Variants in ATR observed in about 807,000 individuals in gnomAD.
ATR encodes ATR checkpoint kinase, also known as serine/threonine-protein kinase ATR.
ATR carries 142 observed loss-of-function variants against 305.3 expected under a neutral mutation model. The observed-to-expected ratio is 0.47, with a 90% CI of 0.41 to 0.53. The LOEUF is 0.53. Ranked by LOEUF, ATR falls within the 20% of genes least tolerant of loss-of-function variation. The pLI is 0.00. For missense variants in ATR, 2,135 were observed against 3,133.1 expected, an observed-to-expected ratio of 0.68 and a Z score of 7.60; for synonymous variants, 1,050 against 1,068.1, an observed-to-expected ratio of 0.98 and a Z score of 0.33.
Position 142,562,905 on chromosome 3 carries a change from C to A in ATR, c.497G>T (p.Gly166Val). The A allele has an allele frequency of 6.2e-7, 1 of 1,613,644 alleles. No homozygotes were observed. The highest frequency in any genetic ancestry group is 1.1e-5 in the South Asian group (1 of 90,858). ...LVYLHRRNVMGHAVEWPVVMS... is the reference protein window; with the variant it reads ...LVYLHRRNVMVHAVEWPVVMS... ...GACCACTGGCCATTCCACAGCATGA[C>A]CCATCACATTTCTTCTATGGAGGTA... is the stretch of plus-strand genomic sequence containing the variant. Residue 166 changes from glycine to valine, a missense_variant, in exon 4 of 47, where the codon GGT becomes GTT. Transcript: ENST00000350721.
intron 1 of ATR, among the ~76,000 whole-genome samples, chr3:142,569,626 TTTTTTTTTGTGGGA>T (rs923437015): frequency 1.3e-5 from 2 of 149,298 alleles, no homozygotes; most frequent in Non-Finnish European, 3.0e-5. Context: ...CCAACTGTGT[TTTTTTTTTGTGGGA>T]TTTTTTTTGT....
At chr3:142,568,896 C>T (rs1300375812) in intron 1 of ATR, among the ~76,000 whole-genome samples, 1 of 152,240 alleles carries the variant, frequency 6.6e-6, no homozygotes, top group Non-Finnish European at 1.5e-5. Flanking sequence ...GCAGGCCAAG[C>T]GGTAGGCTGA....
intron 46 of ATR, chr3:142,452,568 G>C (rs1202971707): frequency 1.6e-6 from 1 of 631,722 alleles, no homozygotes; most frequent in Non-Finnish European, 2.0e-6. Flanking sequence ...CAGCTACTTG[G>C]GAGGCTAAGG....
intron 41 of ATR, among the ~76,000 whole-genome samples, chr3:142,463,677 A>G (rs2071067150): frequency 6.6e-6 from 1 of 152,078 alleles, no homozygotes; most frequent in Non-Finnish European, 1.5e-5. Context: ...GAGCCACCAC[A>G]CCCAGCCCAA....
chr3:142,535,236 A>G, intron 20 of ATR, 31 bp from the exon 21 acceptor site: 1 of 1,611,704 alleles, frequency 6.2e-7, no homozygotes, highest in Non-Finnish European at 8.5e-7. Flanking sequence ...GACAGAACTT[A>G]TTAATCAACT....
At chr3:142,522,606 A>G in intron 23 of ATR, 122 bp downstream of exon 23, 1 of 852,646 alleles carries the variant, frequency 1.2e-6, no homozygotes, top group South Asian at 1.5e-5. Flanking sequence ...TTTATCATGA[A>G]CTTGTATAAC....
At chr3:142,569,608 C>T (rs2035194597) in intron 1 of ATR, among the ~76,000 whole-genome samples, 2 of 151,974 alleles carry the variant, frequency 1.3e-5, no homozygotes, top group Non-Finnish European at 2.9e-5. Context: ...AGGCATGAGT[C>T]ACCATGCCCA....
At chr3:142,528,880 T>TATATATATATATATATATA (rs1491576068) in intron 21 of ATR, among the ~76,000 whole-genome samples, 12 of 38,580 alleles carry the variant, frequency 3.1e-4, no homozygotes, top group African/African-American at 2.6e-3. Flanking sequence ...TATATATATA[T>TATATATATATATATATATA]TTTTTTTTTT....
intron 46 of ATR, 121 bp from the exon 47 acceptor site, chr3:142,449,723 A>G (rs548301326): frequency 5.7e-6 from 6 of 1,052,224 alleles, no homozygotes; most frequent in Non-Finnish European, 7.1e-6. Context: ...CCCTTTTGTA[A>G]GAGCAAATAC....
At chr3:142,455,335 C>T (rs528085085) in intron 45 of ATR, among the ~76,000 whole-genome samples, 1 of 152,100 alleles carries the variant, frequency 6.6e-6, no homozygotes, top group Non-Finnish European at 1.5e-5. Flanking sequence ...CAGCAATACT[C>T]CCAAATTGTT....
chr3:142,517,956 G>A (rs1442910316), intron 24 of ATR, among the ~76,000 whole-genome samples: 1 of 152,094 alleles, frequency 6.6e-6, no homozygotes, highest in African/African-American at 2.4e-5. Context: ...CATACAAAGT[G>A]GGTAAAATTA....
chr3:142,544,339 C>T (rs2108444769), intron 16 of ATR, among the ~76,000 whole-genome samples: 1 of 149,992 alleles, frequency 6.7e-6, no homozygotes, highest in South Asian at 2.1e-4. Flanking sequence ...GTGGTCCCAG[C>T]TACTCAGGAG....
chr3:142,455,464 G>T (rs1159298947), intron 45 of ATR, among the ~76,000 whole-genome samples: 1 of 151,842 alleles, frequency 6.6e-6, no homozygotes, highest in Non-Finnish European at 1.5e-5. Flanking sequence ...TGATCTTGGG[G>T]GAAAAAAAGC....
intron 45 of ATR, among the ~76,000 whole-genome samples, chr3:142,454,596 C>A (rs1337872453): frequency 6.6e-6 from 1 of 151,610 alleles, no homozygotes. Context: ...CGCCCGCCAC[C>A]TCGCCCGGCT....
intron 25 of ATR, among the ~76,000 whole-genome samples, chr3:142,514,260 G>A (rs111686869): frequency 0.011 from 1,608 of 150,634 alleles, 34 homozygotes; most frequent in African/African-American, 0.036. Flanking sequence ...GCGAGATTCC[G>A]TCTCAAAAAA....
Position 142,547,766 on chromosome 3 carries a change from G to C in ATR, c.3316C>G (p.Pro1106Ala), listed in dbSNP as rs1183775791. The C allele has an allele frequency of 6.2e-7, 1 of 1,613,898 alleles. No homozygotes were observed. The highest frequency in any genetic ancestry group is 8.5e-7 in the Non-Finnish European group (1 of 1,179,918). Residue 1106 changes from proline to alanine, a missense_variant, in exon 16 of 47, where the codon CCA (proline) becomes GCA (alanine). Coordinates refer to ENST00000350721, the MANE Select transcript of ATR (RefSeq NM_001184.4). The stretch of plus-strand genomic sequence containing the variant: ...ATGATATCTCTCGGGCCCTGATATG[G>C]ATCATCACTGGATGCAAATGAGGCA... ...ILASFASSDD[P>A]YQGPRDIISP...
intron 35 of ATR, among the ~76,000 whole-genome samples, chr3:142,486,787 T>C (rs2030952891): frequency 6.6e-6 from 1 of 151,798 alleles, no homozygotes; most frequent in Non-Finnish European, 1.5e-5. Flanking sequence ...TTGTCTGTTT[T>C]TGAACTTTTA....
At chr3:142,527,986 C>T (rs1281054240) in intron 21 of ATR, among the ~76,000 whole-genome samples, 1 of 152,156 alleles carries the variant, frequency 6.6e-6, no homozygotes, top group African/African-American at 2.4e-5. Context: ...CCACCAGAAG[C>T]TCTCAAAAGG....
chr3:142,561,599 T>C (rs1036799038), intron 4 of ATR, among the ~76,000 whole-genome samples, 178 bp from the exon 5 acceptor site: 1 of 152,216 alleles, frequency 6.6e-6, no homozygotes, highest in African/African-American at 2.4e-5. Flanking sequence ...ATATAGACTA[T>C]GGTTCTATAG....
Sources: allele counts gnomAD v4.1 joint callset (sites outside exome capture counted in the v4.1 genomes callset), GRCh38; gene constraint gnomAD v4.1.1; transcripts MANE v1.5; gene names NCBI Gene and HGNC (gene_info 2026-07-23, HGNC 2026-07-21).